The following ONECUT2 variants were observed in gnomAD, a reference collection of about 807,000 sequenced individuals.
The protein encoded by ONECUT2 is one cut domain family member 2.
A neutral mutation model predicts 27.9 loss-of-function variants in ONECUT2; 10 were observed. The ratio of observed to expected loss-of-function variants is 0.36; its 90% CI spans 0.22 to 0.61. The LOEUF (loss-of-function observed/expected upper bound fraction) is 0.61. Ranked by LOEUF, ONECUT2 falls within the 20% of genes least tolerant of loss-of-function variation. The pLI is 0.73. For missense variants in ONECUT2, 686 were observed against 721.0 expected, an observed-to-expected ratio of 0.95 and a Z score of 0.56; for synonymous variants, 334 against 315.1, an observed-to-expected ratio of 1.06 and a Z score of -0.64.
Position 57,435,582 on chromosome 18 carries a change from A to G in ONECUT2, c.-135A>G, listed in dbSNP as rs1370818372. 4.6e-6 allele frequency: 2 copies of G among 438,616 alleles called. No individual in the cohort carries two copies. Among genetic ancestry groups the G allele is most frequent in the Non-Finnish European group, 5.8e-6 (2 of 343,714 alleles). 27.2% of individuals were successfully genotyped at this position (438,616 alleles called of 1,614,324 possible). Reference sequence around the variant, plus strand: ...CGAGCCCGCCCGCAGCCCGGGGCGCACACCCGCACGCGCACTCCTCTCCAC... The same window carrying G: ...CGAGCCCGCCCGCAGCCCGGGGCGCGCACCCGCACGCGCACTCCTCTCCAC... On this transcript the variant is annotated 5_prime_UTR_variant, in exon 1 of 2. Transcript: ENST00000491143.
In ONECUT2 at chr18:57,436,028, G is replaced by C. The variant is rs1424850790; in HGVS notation, c.312G>C (p.Ser104=). 6 of 1,557,478 alleles carry C rather than the reference G, an allele frequency of 3.9e-6. No individual in the cohort carries two copies. In the Admixed American group the frequency reaches 5.2e-5, roughly 14 times the overall value. Residue 104 remains serine (S), a synonymous_variant, in exon 1 of 2, where the codon TCG becomes TCC. Transcript: ENST00000491143. This position sits in a 1 kb window ranked among gnomAD's most constrained non-coding sequence, Gnocchi z 5.9. ...AAAAAAAASR[S]AMVTSMASIL... ...CGGCGGCAGCGGCGGCGTCGCGCTC[G>C]GCCATGGTCACCAGCATGGCCTCGA...
At chr18:57,461,704 G>C (rs938193156) in intron 1 of ONECUT2, among the ~76,000 whole-genome samples, 4 of 152,228 alleles carry the variant, frequency 2.6e-5, no homozygotes, top group African/African-American at 9.6e-5. Flanking sequence ...GAACAAGGGT[G>C]CTGGGGTATT....
intron 1 of ONECUT2, among the ~76,000 whole-genome samples, chr18:57,456,217 A>G (rs2050258502): frequency 6.6e-6 from 1 of 152,232 alleles, no homozygotes; most frequent in African/African-American, 2.4e-5. Context: ...CACATGACCC[A>G]GAAATACCAC....
intron 1 of ONECUT2, among the ~76,000 whole-genome samples, chr18:57,471,989 G>A (rs937896769): frequency 6.6e-6 from 1 of 152,172 alleles, no homozygotes; most frequent in Non-Finnish European, 1.5e-5. Flanking sequence ...CCTCCTAAAA[G>A]AGAGAGGAGA....
chr18:57,443,843 G>C (rs1292460707), intron 1 of ONECUT2, among the ~76,000 whole-genome samples: 3 of 152,126 alleles, frequency 2.0e-5, no homozygotes, highest in African/African-American at 7.2e-5. Context: ...GGGCAGGGAG[G>C]CTCTGCATTC....
At chr18:57,465,339 G>C (rs1280580177) in intron 1 of ONECUT2, among the ~76,000 whole-genome samples, 1 of 152,056 alleles carries the variant, frequency 6.6e-6, no homozygotes, top group East Asian at 1.9e-4. Context: ...AATTTTTGTA[G>C]TTTTTGTAGA....
In ONECUT2 at chr18:57,436,091, C is replaced by T. The variant is rs764236852; in HGVS notation, c.375C>T (p.Ile125=). The change falls in exon 1 of 2, where the codon ATC becomes ATT. Residue 125 remains isoleucine, a synonymous_variant. Transcript: ENST00000491143. This position sits in a 1 kb window ranked among gnomAD's most constrained non-coding sequence, Gnocchi z 5.9. ...GCGACTACCGGCCCGAGCTCTCCAT[C>T]CCGCTGCACCACGCCATGAGCATGT... ...DGGDYRPELS[I]PLHHAMSMSC... 3 of 1,599,398 alleles carry T rather than the reference C, an allele frequency of 1.9e-6. No individual in the cohort carries two copies. The highest frequency in any genetic ancestry group is 1.7e-6 in the Non-Finnish European group (2 of 1,179,484).
intron 1 of ONECUT2, among the ~76,000 whole-genome samples, chr18:57,468,082 T>C (rs1401815134): frequency 1.3e-5 from 2 of 152,198 alleles, no homozygotes; most frequent in African/African-American, 4.8e-5. Flanking sequence ...GCAAGGCCTG[T>C]GCATACATCC....
chr18:57,448,486 G>A (rs1317633924), intron 1 of ONECUT2, among the ~76,000 whole-genome samples: 3 of 152,200 alleles, frequency 2.0e-5, no homozygotes, highest in Non-Finnish European at 2.9e-5. Context: ...TTCTAAAAAT[G>A]AGCAGGAACA....
chr18:57,466,785 C>T (rs2050323629), intron 1 of ONECUT2, among the ~76,000 whole-genome samples: 1 of 152,244 alleles, frequency 6.6e-6, no homozygotes. Context: ...ACCAAGTGCT[C>T]TCTAAAATCC....
intron 1 of ONECUT2, among the ~76,000 whole-genome samples, chr18:57,441,576 G>T (rs1265545917): frequency 1.3e-5 from 2 of 152,252 alleles, no homozygotes; most frequent in African/African-American, 4.8e-5. Context: ...CCGGCGATCC[G>T]CCTGGGCGGC....
intron 1 of ONECUT2, among the ~76,000 whole-genome samples, chr18:57,457,224 C>T (rs889041043): frequency 3.5e-4 from 53 of 152,252 alleles, no homozygotes; most frequent in African/African-American, 1.3e-3. Flanking sequence ...TTTGTTTTGA[C>T]AGCAGCCATC....
intron 1 of ONECUT2, among the ~76,000 whole-genome samples, chr18:57,471,471 G>A (rs2050353456): frequency 6.6e-6 from 1 of 152,186 alleles, no homozygotes; most frequent in South Asian, 2.1e-4. Flanking sequence ...TTTGTCCTGT[G>A]TCTGACCTCC....
rs1458365179 is a variant in ONECUT2 at position 57,435,497 on chromosome 18, C to T, written c.-220C>T. Among the ~76,000 whole-genome samples the T allele has an allele frequency of 2.7e-5, 4 of 146,546 alleles. No homozygotes were observed. Among genetic ancestry groups the T allele is most frequent in the Non-Finnish European group, 6.0e-5 (4 of 66,200 alleles). On this transcript the variant is annotated 5_prime_UTR_variant, in exon 1 of 2. Coordinates refer to ENST00000491143, the MANE Select transcript of ONECUT2 (RefSeq NM_004852.3). ...GCCCGGTGATCCCTCCCTCCCTCCC[C>T]GTCCCCTCCCCTCTCCCGCACGCAC...
chr18:57,435,677 C>G lies in ONECUT2; in HGVS notation c.-40C>G. 2 of 994,926 alleles carry G rather than the reference C, an allele frequency of 2.0e-6. No homozygotes were observed. Among genetic ancestry groups the G allele is most frequent in the Non-Finnish European group, 2.4e-6 (2 of 816,438 alleles). 61.6% of individuals were successfully genotyped at this position (994,926 alleles called of 1,614,324 possible). A position where few individuals can be genotyped will look rare whatever the true frequency, so the allele number is the denominator to read the frequency against. On this transcript the variant is annotated 5_prime_UTR_variant, in exon 1 of 2. Transcript: ENST00000491143. ...GCGCGCCTTGCCCGCCCGCCGGCCG[C>G]CCCCGCCGCCCCCGCCGCCCCCGGG...
intron 1 of ONECUT2, among the ~76,000 whole-genome samples, chr18:57,438,423 A>G (rs2050155995): frequency 6.6e-6 from 1 of 152,204 alleles, no homozygotes; most frequent in Non-Finnish European, 1.5e-5. Context: ...AGCCTCGCAC[A>G]GCTCGCTTCC....
chr18:57,437,703 C>T (rs1264701505), intron 1 of ONECUT2, among the ~76,000 whole-genome samples: 1 of 151,832 alleles, frequency 6.6e-6, no homozygotes, highest in Non-Finnish European at 1.5e-5. Flanking sequence ...TTTGGGAGGA[C>T]GTGGGAGAAG....
intron 1 of ONECUT2, among the ~76,000 whole-genome samples, chr18:57,442,895 C>T (rs533798388): frequency 6.6e-6 from 1 of 152,146 alleles, no homozygotes; most frequent in East Asian, 1.9e-4. Flanking sequence ...TTTTACCATC[C>T]CAAGTGCCAG....
Position 57,487,712 on chromosome 18 carries a change from T to G in ONECUT2, c.*10989T>G, listed in dbSNP as rs2050445264. On this transcript the variant is annotated 3_prime_UTR_variant, in exon 2 of 2. Transcript: ENST00000491143. ...GACTTGGAGGTGACTCTCACTTAAT[T>G]TTTACCTGCCCAACAATGTTCCATC... The G allele has an allele frequency of 6.6e-6, 1 of 152,152 alleles. No individual in the cohort carries two copies. The highest frequency in any genetic ancestry group is 2.1e-4 in the South Asian group (1 of 4,818). 9.4% of individuals were successfully genotyped at this position (152,152 alleles called of 1,614,324 possible).
Sources: allele counts gnomAD v4.1 joint callset (sites outside exome capture counted in the v4.1 genomes callset), GRCh38; gene constraint gnomAD v4.1.1; non-coding constraint Gnocchi (gnomAD v3.1); transcripts MANE v1.5; gene names NCBI Gene and HGNC (gene_info 2026-07-23, HGNC 2026-07-21).